The following BRINP3 variants were observed in gnomAD, a reference collection of about 807,000 sequenced individuals.
The protein encoded by BRINP3 is BMP/retinoic acid inducible neural specific 3, also known as BMP/retinoic acid-inducible neural-specific protein 3.
BRINP3 carries 19 observed loss-of-function variants against 71.0 expected under a neutral mutation model. The ratio of observed to expected loss-of-function variants is 0.27; its 90% confidence interval spans 0.19 to 0.39. The LOEUF is 0.39. Ranked by LOEUF, BRINP3 falls within the 10% of genes least tolerant of loss-of-function variation. The pLI, the probability that BRINP3 is intolerant of heterozygous loss-of-function variation, is 1.00. For synonymous variants in BRINP3, 380 were observed against 337.7 expected, an observed-to-expected ratio of 1.13 and a Z score of -1.37; for missense variants, 959 against 940.8, an observed-to-expected ratio of 1.02 and a Z score of -0.25.
intron 2 of BRINP3, among the ~76,000 whole-genome samples, chr1:190,441,139 G>T (rs1210392986): frequency 6.6e-6 from 1 of 151,684 alleles, no homozygotes; most frequent in South Asian, 2.1e-4. Context: ...TAATAGAGAA[G>T]CTAGAAAAAA....
intron 2 of BRINP3, among the ~76,000 whole-genome samples, chr1:190,337,863 G>C (rs1404147104): frequency 6.6e-6 from 1 of 151,772 alleles, no homozygotes; most frequent in East Asian, 1.9e-4. Flanking sequence ...CCATGCTTGG[G>C]TTTTATTGTT....
At chr1:190,279,350 C>T (rs992685303) in intron 3 of BRINP3, among the ~76,000 whole-genome samples, 6 of 151,828 alleles carry the variant, frequency 4.0e-5, no homozygotes, top group African/African-American at 1.4e-4. Flanking sequence ...ATACCACACA[C>T]TGTGCTAAGC....
intron 6 of BRINP3, among the ~76,000 whole-genome samples, chr1:190,224,849 C>A (rs967080466): frequency 5.3e-5 from 8 of 151,994 alleles, no homozygotes; most frequent in Non-Finnish European, 7.4e-5. Flanking sequence ...TATCTGAATA[C>A]ATATTTCTCA....
chr1:190,244,892 T>C (rs1558102658), intron 4 of BRINP3, among the ~76,000 whole-genome samples: 1 of 152,106 alleles, frequency 6.6e-6, no homozygotes, highest in Non-Finnish European at 1.5e-5. Flanking sequence ...AAATTCCATA[T>C]TTAATATTAC....
chr1:190,315,406 C>A (rs747668262), intron 2 of BRINP3, among the ~76,000 whole-genome samples: 1 of 152,050 alleles, frequency 6.6e-6, no homozygotes. Flanking sequence ...TGGATAAGAA[C>A]AAACTTTCAA....
In BRINP3 at chr1:190,344,989, C is replaced by T. The variant is rs1054400670; in HGVS notation, c.237-63239G>A. Reference sequence around the variant, plus strand: ...ATATAATTGTATTGAATATGCATTACGTACATTGTCAAAAAAACTGTCACA... The same window carrying T: ...ATATAATTGTATTGAATATGCATTATGTACATTGTCAAAAAAACTGTCACA... On this transcript the variant is annotated intron_variant, in intron 2 of 7. Transcript: ENST00000367462. Among the ~76,000 whole-genome samples, 6 of 151,814 alleles carry T rather than the reference C, an allele frequency of 4.0e-5. No homozygotes were observed. The South Asian group carries it at 6.2e-4, about 16-fold the overall frequency.
intron 4 of BRINP3, among the ~76,000 whole-genome samples, chr1:190,256,812 G>T (rs1028066530): frequency 2.6e-5 from 4 of 152,090 alleles, no homozygotes; most frequent in Admixed American, 1.3e-4. Context: ...TTGACTACTG[G>T]CCCCCACTGT....
intron 2 of BRINP3, among the ~76,000 whole-genome samples, chr1:190,436,481 T>A (rs1444472621): frequency 6.6e-6 from 1 of 151,792 alleles, no homozygotes; most frequent in African/African-American, 2.4e-5. Flanking sequence ...ACAAACTTAT[T>A]CAAGCTAAAT....
chr1:190,164,872 T>A (rs1399181971), intron 6 of BRINP3, among the ~76,000 whole-genome samples: 2 of 152,102 alleles, frequency 1.3e-5, no homozygotes, highest in Non-Finnish European at 2.9e-5. Flanking sequence ...AGTGCCTGGC[T>A]TCAGACATTT....
chr1:190,301,639 G>T (rs182425760), intron 2 of BRINP3, among the ~76,000 whole-genome samples: 34 of 151,572 alleles, frequency 2.2e-4, no homozygotes, highest in East Asian at 7.8e-4. Context: ...GGAATATACA[G>T]ATATATTAAA....
At chr1:190,459,639 A>G (rs1676250216) in intron 1 of BRINP3, among the ~76,000 whole-genome samples, 1 of 152,028 alleles carries the variant, frequency 6.6e-6, no homozygotes, top group Non-Finnish European at 1.5e-5. Flanking sequence ...AATTATTACT[A>G]TTTGTTAAAC....
At chr1:190,381,508 G>T (rs1473859488) in intron 2 of BRINP3, among the ~76,000 whole-genome samples, 1 of 152,058 alleles carries the variant, frequency 6.6e-6, no homozygotes, top group Non-Finnish European at 1.5e-5. Context: ...ATGTATTTGT[G>T]TCTTGTTTCC....
At chr1:190,268,810 C>CA (rs1336514916) in intron 3 of BRINP3, among the ~76,000 whole-genome samples, 2 of 151,934 alleles carry the variant, frequency 1.3e-5, no homozygotes, top group African/African-American at 2.4e-5. Context: ...TTAAACAGCA[C>CA]AAAAAATGTG....
intron 2 of BRINP3, among the ~76,000 whole-genome samples, chr1:190,352,785 A>G (rs1344503416): frequency 6.6e-6 from 1 of 151,874 alleles, no homozygotes; most frequent in Non-Finnish European, 1.5e-5. Flanking sequence ...TTAAATTCAT[A>G]AGAGAAAATA....
intron 1 of BRINP3, among the ~76,000 whole-genome samples, chr1:190,465,540 G>A (rs139942685): frequency 3.1e-4 from 47 of 151,966 alleles, no homozygotes; most frequent in Middle Eastern, 6.8e-3. Flanking sequence ...CTATCCTGAA[G>A]GTGATATCTG....
chr1:190,279,939 A>G (rs1279118309), intron 3 of BRINP3, among the ~76,000 whole-genome samples: 1 of 151,942 alleles, frequency 6.6e-6, no homozygotes, highest in Non-Finnish European at 1.5e-5. Flanking sequence ...TTGTTTATTC[A>G]TTTAACAAAC....
chr1:190,347,430 G>A (rs1212869786), intron 2 of BRINP3, among the ~76,000 whole-genome samples: 11 of 152,066 alleles, frequency 7.2e-5, no homozygotes, highest in East Asian at 3.9e-4. Context: ...ATGAGCCACC[G>A]CGCCCAGCTG....
At chr1:190,109,211 T>G (rs921509172) in intron 7 of BRINP3, among the ~76,000 whole-genome samples, 3 of 152,188 alleles carry the variant, frequency 2.0e-5, no homozygotes, top group African/African-American at 7.2e-5. Flanking sequence ...ACATCATATG[T>G]AAATAATTGC....
At chr1:190,386,930 T>A (rs1168326393) in intron 2 of BRINP3, among the ~76,000 whole-genome samples, 2 of 151,982 alleles carry the variant, frequency 1.3e-5, no homozygotes, top group African/African-American at 4.8e-5. Flanking sequence ...TGAGAAAAAA[T>A]CAGGACTTAT....
Sources: allele counts gnomAD v4.1 joint callset (sites outside exome capture counted in the v4.1 genomes callset), GRCh38; gene constraint gnomAD v4.1.1; transcripts MANE v1.5; gene names NCBI Gene and HGNC (gene_info 2026-07-23, HGNC 2026-07-21).